Variants in DAB1 observed in about 807,000 individuals in gnomAD.
DAB1 encodes the protein DAB adaptor protein 1.
DAB1 carries 15 observed loss-of-function variants against 64.6 expected under a neutral mutation model. The ratio of observed to expected loss-of-function variants is 0.23; its 90% CI spans 0.16 to 0.36. The LOEUF (loss-of-function observed/expected upper bound fraction) is 0.36, where lower values mean the gene tolerates loss of function less well. Ranked by LOEUF, DAB1 falls within the 10% of genes least tolerant of loss-of-function variation. The pLI is 1.00. For synonymous variants in DAB1, 235 were observed against 251.9 expected, an observed-to-expected ratio of 0.93 and a Z score of 0.64; for missense variants, 596 against 706.7, an observed-to-expected ratio of 0.84 and a Z score of 1.78.
At chr1:58,142,541 TA>T (rs1410336348) in intron 5 of DAB1, among the ~76,000 whole-genome samples, 2 of 152,118 alleles carry the variant, frequency 1.3e-5, no homozygotes, top group African/African-American at 4.8e-5. Context: ...CATAAGAGCC[TA>T]AATCAGAGCT....
chr1:57,292,173 G>C (rs916467852), intron 1 of DAB1, among the ~76,000 whole-genome samples: 1 of 152,070 alleles, frequency 6.6e-6, no homozygotes, highest in African/African-American at 2.4e-5. Context: ...AATAGAAAAC[G>C]ACTGACCTCA....
chr1:57,374,763 T>C (rs1402691219), intron 1 of DAB1, among the ~76,000 whole-genome samples: 1 of 152,186 alleles, frequency 6.6e-6, no homozygotes, highest in Non-Finnish European at 1.5e-5. Flanking sequence ...GTAGCACCTC[T>C]AGGGACAAAG....
At chr1:58,386,325 A>G (rs1397970967) in intron 3 of DAB1, among the ~76,000 whole-genome samples, 1 of 152,190 alleles carries the variant, frequency 6.6e-6, no homozygotes, top group Non-Finnish European at 1.5e-5. Context: ...TCTACACTCA[A>G]GGTTAATGAG....
chr1:57,924,400 T>C (rs2102027435), intron 5 of DAB1, among the ~76,000 whole-genome samples: 1 of 152,318 alleles, frequency 6.6e-6, no homozygotes, highest in East Asian at 1.9e-4. Flanking sequence ...CAGACAGTCA[T>C]GAAGGTGAAC....
In DAB1 at chr1:57,926,573, C is replaced by T. The variant is rs183731535; in HGVS notation, n.388-42411G>A. Among the ~76,000 whole-genome samples, 124 of 152,296 alleles carry T rather than the reference C, an allele frequency of 8.1e-4. 1 individual carries two copies. The highest frequency in any genetic ancestry group is 3.4e-3 in the Middle Eastern group (1 of 292). On this transcript the variant is annotated intron_variant and non_coding_transcript_variant, in intron 5 of 20. Coordinates refer to the DAB1 transcript ENST00000485760. ...CTTCTGGATCTCTCTCTCTCAATCT[C>T]CTTAGCATTTATCAAATGGAAATAA...
At chr1:58,006,453 G>A (rs1468829941) in intron 5 of DAB1, among the ~76,000 whole-genome samples, 1 of 152,180 alleles carries the variant, frequency 6.6e-6, no homozygotes, top group Non-Finnish European at 1.5e-5. Flanking sequence ...CTACTGGTAA[G>A]TATTGCAGAA....
chr1:57,743,395 G>A (rs1191199674), intron 6 of DAB1, among the ~76,000 whole-genome samples: 1 of 152,084 alleles, frequency 6.6e-6, no homozygotes, highest in African/African-American at 2.4e-5. Context: ...GCAAAACATT[G>A]CTCTTAACTT....
intron 3 of DAB1, among the ~76,000 whole-genome samples, chr1:58,389,242 A>G (rs1644457664): frequency 6.6e-6 from 1 of 152,220 alleles, no homozygotes; most frequent in Non-Finnish European, 1.5e-5. Flanking sequence ...GTTTGAGACC[A>G]GCCAGGGCAA....
At chr1:57,454,737 C>G (rs1686517557) in intron 7 of DAB1, among the ~76,000 whole-genome samples, 1 of 152,028 alleles carries the variant, frequency 6.6e-6, no homozygotes, top group South Asian at 2.1e-4. Flanking sequence ...AGATAGTTCT[C>G]TAGACCGGGA....
chr1:57,616,665 C>A (rs941448046), intron 7 of DAB1, among the ~76,000 whole-genome samples: 2 of 152,112 alleles, frequency 1.3e-5, no homozygotes, highest in African/African-American at 4.8e-5. Flanking sequence ...CTTTCAGATT[C>A]TTTTTAAAGG....
intron 7 of DAB1, among the ~76,000 whole-genome samples, chr1:57,537,848 G>C (rs766180275): frequency 2.0e-5 from 3 of 152,158 alleles, no homozygotes; most frequent in African/African-American, 7.2e-5. Flanking sequence ...CTGGAAGACC[G>C]GGCATGTGCT....
intron 2 of DAB1, among the ~76,000 whole-genome samples, chr1:58,513,236 C>A (rs1292842493): frequency 1.3e-5 from 2 of 152,178 alleles, no homozygotes; most frequent in Non-Finnish European, 2.9e-5. Context: ...CTTACACACT[C>A]TTCCTCTCTT....
intron 7 of DAB1, among the ~76,000 whole-genome samples, chr1:57,510,842 G>A (rs993900074): frequency 1.3e-5 from 2 of 152,078 alleles, no homozygotes; most frequent in Non-Finnish European, 2.9e-5. Flanking sequence ...GCAGTGATGT[G>A]GTCACGGCTC....
At chr1:57,031,556 G>T (rs763188129) in intron 9 of DAB1, among the ~76,000 whole-genome samples, 2 of 152,230 alleles carry the variant, frequency 1.3e-5, no homozygotes, top group Non-Finnish European at 1.5e-5. Context: ...AGATGAACTA[G>T]CTGAGGCTGA....
intron 5 of DAB1, among the ~76,000 whole-genome samples, chr1:58,136,608 T>C (rs1653959154): frequency 6.6e-6 from 1 of 152,252 alleles, no homozygotes; most frequent in Admixed American, 6.5e-5. Context: ...AAGCATTAAC[T>C]GCAAAGCAAG....
At chr1:57,162,914 T>C (rs945348305) in intron 2 of DAB1, among the ~76,000 whole-genome samples, 4 of 152,190 alleles carry the variant, frequency 2.6e-5, no homozygotes, top group Non-Finnish European at 5.9e-5. Context: ...ATCTCAGTGA[T>C]AGAGGGTTTA....
chr1:58,362,873 T>C (rs1394523193), intron 3 of DAB1, among the ~76,000 whole-genome samples: 1 of 152,244 alleles, frequency 6.6e-6, no homozygotes, highest in African/African-American at 2.4e-5. Flanking sequence ...TGGGCTTCCA[T>C]AACAAAATAC....
chr1:57,067,420 AC>A (rs1651025016), intron 8 of DAB1, among the ~76,000 whole-genome samples: 1 of 152,122 alleles, frequency 6.6e-6, no homozygotes, highest in South Asian at 2.1e-4. Context: ...TGGGCAAGTT[AC>A]CTTATCACTG....
At chr1:57,761,574 A>G (rs997679407) in intron 6 of DAB1, among the ~76,000 whole-genome samples, 1 of 152,212 alleles carries the variant, frequency 6.6e-6, no homozygotes, top group Non-Finnish European at 1.5e-5. Context: ...GATGAGCAGA[A>G]GAGGGCATTG....
Sources: allele counts gnomAD v4.1 joint callset (sites outside exome capture counted in the v4.1 genomes callset), GRCh38; gene constraint gnomAD v4.1.1; transcripts MANE v1.5; gene names NCBI Gene and HGNC (gene_info 2026-07-23, HGNC 2026-07-21).